The following TIAM1 variants were observed in gnomAD, a reference collection of about 807,000 sequenced individuals.
TIAM1 encodes rho guanine nucleotide exchange factor TIAM1.
TIAM1 carries 65 observed loss-of-function variants against 163.5 expected under a neutral mutation model. That is an observed-to-expected ratio of 0.40 (90% CI 0.33 to 0.49). TIAM1 has a LOEUF of 0.49. Among genes scored for constraint, TIAM1 ranks in the 20% least tolerant of loss-of-function variants. TIAM1 has a pLI of 0.77. For missense variants in TIAM1, 1,789 were observed against 2,044.7 expected (o/e 0.87, Z 2.41); for synonymous variants, 833 against 810.1 (o/e 1.03, Z -0.48).
intron 23 of TIAM1, among the ~76,000 whole-genome samples, chr21:31,135,228 GCAA>G (rs2082572938): frequency 6.6e-6 from 1 of 152,104 alleles, no homozygotes; most frequent in Non-Finnish European, 1.5e-5. Context: ...CATTTACATT[GCAA>G]CAACAAGCTA....
At chr21:31,394,165 C>T (rs796131634) in intron 2 of TIAM1, among the ~76,000 whole-genome samples, 17 of 152,096 alleles carry the variant, frequency 1.1e-4, no homozygotes, top group Admixed American at 7.2e-4. Flanking sequence ...GAATATTATC[C>T]GGCACTGAGA....
chr21:31,348,748 G>A (rs2076188837), upstream of TIAM1, among the ~76,000 whole-genome samples: 1 of 152,166 alleles, frequency 6.6e-6, no homozygotes, highest in South Asian at 2.1e-4. Flanking sequence ...TTCAGCCCTG[G>A]ATGGGGTCTT....
chr21:31,160,806 A>T (rs1239370281), intron 16 of TIAM1: 1 of 298,842 alleles, frequency 3.3e-6, no homozygotes, highest in Non-Finnish European at 6.1e-6. Context: ...ACCAGAACTC[A>T]GGCTTTGATT....
In TIAM1 at chr21:31,336,422, GC is replaced by G. The variant is rs546368796; in HGVS notation, c.-189+2820del. The stretch of plus-strand genomic sequence containing the variant: ...ATTCTATGACTCAACTTGAGCAGCT[GC>G]AGTGTGAAAATACACACACAGGCTC... On this transcript the variant is annotated intron_variant, in intron 2 of 27. Coordinates refer to ENST00000541036, the MANE Select transcript of TIAM1 (RefSeq NM_001353694.2). Among the ~76,000 whole-genome samples, 509 of 151,366 alleles carry G rather than the reference GC, an allele frequency of 3.4e-3. 4 individuals are homozygous for G. Among genetic ancestry groups the G allele is most frequent in the African/African-American group, 0.012 (488 of 41,226 alleles).
upstream of TIAM1, among the ~76,000 whole-genome samples, chr21:31,344,505 C>T (rs1026559446): frequency 9.9e-5 from 15 of 152,138 alleles, no homozygotes; most frequent in African/African-American, 3.4e-4. Context: ...CTGCACAAAG[C>T]GTGAGTGCTT....
chr21:31,305,259 T>C (rs898457159), intron 2 of TIAM1, among the ~76,000 whole-genome samples: 2 of 152,220 alleles, frequency 1.3e-5, no homozygotes, highest in African/African-American at 2.4e-5. Context: ...CACTGATTAC[T>C]TTCAATGTGG....
At chr21:31,261,482 C>T (rs1230603398) in intron 4 of TIAM1, among the ~76,000 whole-genome samples, 3 of 151,944 alleles carry the variant, frequency 2.0e-5, no homozygotes, top group African/African-American at 4.8e-5. Context: ...GAGGCTGAGG[C>T]GGGAAGATCA....
intron 1 of TIAM1, among the ~76,000 whole-genome samples, chr21:31,529,195 A>G (rs1328193165): frequency 6.6e-6 from 1 of 151,970 alleles, no homozygotes; most frequent in Non-Finnish European, 1.5e-5. Context: ...CTGGGATTAC[A>G]GGTGTGAGCC....
At chr21:31,307,617 C>G (rs1371222654) in intron 2 of TIAM1, among the ~76,000 whole-genome samples, 1 of 152,174 alleles carries the variant, frequency 6.6e-6, no homozygotes, top group South Asian at 2.1e-4. Flanking sequence ...GTGCGATCAT[C>G]TAATTCTGAT....
At position 31,425,757 on chromosome 21, in the gene TIAM1, C is replaced by T. The variant is rs555030955; in HGVS notation, c.-369+38226G>A. Reference sequence around the variant, plus strand: ...TGTCGCCCAGGCTGGGTTGCAATGGCGAGATCTCAGCTCATTGCAACCTCC... The same window carrying T: ...TGTCGCCCAGGCTGGGTTGCAATGGTGAGATCTCAGCTCATTGCAACCTCC... On this transcript the variant is annotated intron_variant, in intron 2 of 28. Transcript: ENST00000286827. 4.0e-5 allele frequency among the ~76,000 whole-genome samples: 6 copies of T among 151,260 alleles called. No individual in the cohort carries two copies. The East Asian group carries it at 7.8e-4, about 20-fold the overall frequency.
At chr21:31,528,119 G>A (rs2047846689) in intron 1 of TIAM1, among the ~76,000 whole-genome samples, 1 of 152,164 alleles carries the variant, frequency 6.6e-6, no homozygotes, top group Admixed American at 6.5e-5. Context: ...AGATAACTAG[G>A]GAGATTAAGG....
At chr21:31,456,684 A>G (rs1288698968) in intron 2 of TIAM1, among the ~76,000 whole-genome samples, 1 of 152,208 alleles carries the variant, frequency 6.6e-6, no homozygotes, top group Non-Finnish European at 1.5e-5. Flanking sequence ...AGCTTCAACT[A>G]TTCAATCCTA....
intron 1 of TIAM1, among the ~76,000 whole-genome samples, chr21:31,550,106 A>C (rs1163152150): frequency 6.6e-6 from 1 of 152,078 alleles, no homozygotes; most frequent in African/African-American, 2.4e-5. Context: ...CCTGGGCGAC[A>C]GAGAGAGATT....
chr21:31,229,353 T>C (rs1159138959), intron 6 of TIAM1, among the ~76,000 whole-genome samples: 1 of 152,062 alleles, frequency 6.6e-6, no homozygotes, highest in East Asian at 1.9e-4. Context: ...TCATAGAAAG[T>C]TTCAAAGAAC....
chr21:31,195,135 T>C, intron 13 of TIAM1, 89 bp downstream of exon 13: 2 of 1,061,168 alleles, frequency 1.9e-6, no homozygotes, highest in East Asian at 2.5e-5. Flanking sequence ...TAGATAGGAC[T>C]CAAAGGCATT....
At chr21:31,290,646 C>CAAAA (rs200030849) in intron 2 of TIAM1, among the ~76,000 whole-genome samples, 19 of 63,196 alleles carry the variant, frequency 3.0e-4, no homozygotes, top group Non-Finnish European at 4.6e-4. Context: ...GACTCTATCT[C>CAAAA]AAAAAAAAAA....
chr21:31,405,729 C>T (rs2077235661), intron 2 of TIAM1, among the ~76,000 whole-genome samples: 1 of 152,136 alleles, frequency 6.6e-6, no homozygotes, highest in African/African-American at 2.4e-5. Context: ...GGGAAAGCCC[C>T]GCCCCCATGA....
intron 1 of TIAM1, among the ~76,000 whole-genome samples, chr21:31,485,888 AGTT>A (rs1253536945): frequency 2.0e-5 from 3 of 152,274 alleles, no homozygotes; most frequent in African/African-American, 7.2e-5. Flanking sequence ...GAAGGGGGTG[AGTT>A]CCCTGTACAA....
intron 1 of TIAM1, among the ~76,000 whole-genome samples, chr21:31,469,614 GT>G (rs1414454156): frequency 1.3e-5 from 2 of 152,180 alleles, no homozygotes; most frequent in Admixed American, 6.5e-5. Flanking sequence ...AGATCACGAG[GT>G]CAGGAGATGG....
Sources: gnomAD v4.1 joint callset for allele counts (sites outside exome capture counted in the v4.1 genomes callset) on GRCh38, gnomAD v4.1.1 for gene constraint, MANE v1.5 for transcripts, NCBI Gene and HGNC (gene_info 2026-07-23, HGNC 2026-07-21) for gene names.